RUNX2: variants seen among roughly 807,000 people sequenced by gnomAD.
The protein encoded by RUNX2 is RUNX family transcription factor 2.
RUNX2 carries 10 observed loss-of-function variants against 51.7 expected under a neutral mutation model. The ratio of observed to expected loss-of-function variants is 0.19; its 90% CI spans 0.12 to 0.33. The LOEUF (loss-of-function observed/expected upper bound fraction) is 0.33, where lower values mean the gene tolerates loss of function less well. Among genes scored for constraint, RUNX2 ranks in the 10% least tolerant of loss-of-function variants. RUNX2 has a pLI of 1.00. For synonymous variants in RUNX2, 276 were observed against 273.6 expected (o/e 1.01, Z -0.09); for missense variants, 562 against 691.3 (o/e 0.81, Z 2.10).
intron 7 of RUNX2, among the ~76,000 whole-genome samples, chr6:45,540,011 AGAG>A (rs1802167245): frequency 6.6e-6 from 1 of 152,216 alleles, no homozygotes; most frequent in East Asian, 1.9e-4. Context: ...GCTTTGAGCC[AGAG>A]CTCGCTTACT....
intron 6 of RUNX2, among the ~76,000 whole-genome samples, chr6:45,507,166 T>C (rs1800994496): frequency 6.6e-6 from 1 of 152,126 alleles, no homozygotes. Context: ...CTTCCCTCCA[T>C]GTTTCTGTAG....
intron 5 of RUNX2, among the ~76,000 whole-genome samples, chr6:45,450,501 A>G (rs1799137148): frequency 6.6e-6 from 1 of 152,220 alleles, no homozygotes; most frequent in Non-Finnish European, 1.5e-5. Context: ...AAAAAAGGCA[A>G]GAAACAAGTA....
intron 6 of RUNX2, among the ~76,000 whole-genome samples, chr6:45,498,441 C>A (rs961303979): frequency 1.3e-5 from 2 of 152,164 alleles, no homozygotes; most frequent in Admixed American, 1.3e-4. Flanking sequence ...ATGTGTCCTG[C>A]AGGACTAATT....
chr6:45,409,357 A>G (rs1213618924), intron 2 of RUNX2, among the ~76,000 whole-genome samples: 2 of 152,172 alleles, frequency 1.3e-5, no homozygotes, highest in African/African-American at 4.8e-5. Context: ...CCTTCCATTC[A>G]GGACAAGTGC....
At chr6:45,421,347 T>C (rs944207940) in intron 2 of RUNX2, 10 of 152,144 alleles carry the variant, frequency 6.6e-5, no homozygotes, top group African/African-American at 1.9e-4. Flanking sequence ...AAAAGAAATG[T>C]CCAGCTATGC....
At chr6:45,339,529 T>C (rs747574896) in intron 2 of RUNX2, among the ~76,000 whole-genome samples, 6 of 152,130 alleles carry the variant, frequency 3.9e-5, no homozygotes, top group Non-Finnish European at 7.3e-5. Flanking sequence ...ATAGAGGTGA[T>C]AGTCAATGGT....
rs888043077 is a variant in RUNX2 at position 45,377,655 on chromosome 6, G to A, written c.59-44938G>A. On this transcript the variant is annotated intron_variant, in intron 2 of 8. Coordinates refer to ENST00000647337, the MANE Select transcript of RUNX2 (RefSeq NM_001024630.4). ...CAGCCGCCCTCGAGCCGGGGCCAGG[G>A]CGTGGCCGGCGCGGGGGCCCAGCGA... The A allele has an allele frequency of 9.1e-4, 138 of 152,342 alleles. 1 individual carries two copies. The highest frequency in any genetic ancestry group is 8.6e-3 in the Admixed American group (132 of 15,298). The allele number at this position is 152,342 out of a possible 1,614,324, so 9.4% of individuals were successfully genotyped here.
intron 5 of RUNX2, among the ~76,000 whole-genome samples, chr6:45,463,157 G>A (rs1361852442): frequency 3.9e-5 from 6 of 152,134 alleles, no homozygotes; most frequent in Non-Finnish European, 7.4e-5. Context: ...TTAGTTCCTG[G>A]GTCACTTTTC....
chr6:45,387,119 G>A (rs1284433492), intron 2 of RUNX2, among the ~76,000 whole-genome samples: 1 of 152,154 alleles, frequency 6.6e-6, no homozygotes, highest in Non-Finnish European at 1.5e-5. Flanking sequence ...CGTAAGACAT[G>A]AGGATAGAAG....
chr6:45,365,435 G>GATTCACTTATAAGT (rs1374743936), intron 2 of RUNX2: 5 of 600,540 alleles, frequency 8.3e-6, no homozygotes, highest in Admixed American at 3.0e-5. Flanking sequence ...GCACAAAACT[G>GATTCACTTATAAGT]ATTCACTTAT....
At chr6:45,351,523 T>G (rs1323151313) in intron 2 of RUNX2, among the ~76,000 whole-genome samples, 1 of 152,176 alleles carries the variant, frequency 6.6e-6, no homozygotes, top group Non-Finnish European at 1.5e-5. Context: ...TGAGTGGAGA[T>G]GTCAAAGAAG....
chr6:45,393,766 G>A (rs953819068), intron 2 of RUNX2, among the ~76,000 whole-genome samples: 1 of 151,926 alleles, frequency 6.6e-6, no homozygotes, highest in Non-Finnish European at 1.5e-5. Flanking sequence ...GGTTTAATTG[G>A]CTCATAGTTC....
chr6:45,520,911 G>C (rs952820954), intron 7 of RUNX2, among the ~76,000 whole-genome samples: 1 of 152,054 alleles, frequency 6.6e-6, no homozygotes, highest in Non-Finnish European at 1.5e-5. Context: ...AGTAGAGACG[G>C]ATTTCTCTAT....
rs398048486 is a variant in RUNX2, at chr6:45,399,349, C to CTTTTTTTTTTTT, written c.59-23227_59-23216dup. Among the ~76,000 whole-genome samples the CTTTTTTTTTTTT allele has an allele frequency of 5.1e-4, 29 of 57,376 alleles. 4 individuals carry two copies. The highest frequency in any genetic ancestry group is 8.3e-4 in the Non-Finnish European group (24 of 29,036). 37.6% of individuals were successfully genotyped at this position (57,376 alleles called of 152,430 possible). On this transcript the variant is annotated intron_variant, in intron 2 of 8. Transcript: ENST00000647337. ...CTTTCTCATTTCTTTCTTTTCTTTC[C>CTTTTTTTTTTTT]TTTTTTTTTTTTTTTTTTTTTTTTT... is the stretch of plus-strand genomic sequence containing the variant.
chr6:45,397,940 C>A (rs114189267), intron 2 of RUNX2, among the ~76,000 whole-genome samples: 2 of 152,106 alleles, frequency 1.3e-5, no homozygotes, highest in Non-Finnish European at 2.9e-5. Flanking sequence ...GTGTTCCCTG[C>A]GTGTGACATT....
At chr6:45,340,652 AG>A (rs1488213690) in intron 2 of RUNX2, among the ~76,000 whole-genome samples, 8 of 152,074 alleles carry the variant, frequency 5.3e-5, no homozygotes, top group Non-Finnish European at 8.8e-5. Flanking sequence ...AGAAAAAAAA[AG>A]TTTCAAGGAA....
At chr6:45,414,928 C>G (rs1314903068) in intron 2 of RUNX2, among the ~76,000 whole-genome samples, 5 of 151,960 alleles carry the variant, frequency 3.3e-5, no homozygotes, top group Admixed American at 3.3e-4. Context: ...CCAATTTTAG[C>G]CTGTGCTTTA....
chr6:45,442,257 A>G (rs897429334), intron 5 of RUNX2, among the ~76,000 whole-genome samples: 1 of 152,244 alleles, frequency 6.6e-6, no homozygotes, highest in Admixed American at 6.5e-5. Flanking sequence ...AAGACATGAC[A>G]TCATACTTAA....
chr6:45,375,787 T>C (rs1248558799), intron 2 of RUNX2, among the ~76,000 whole-genome samples: 1 of 152,118 alleles, frequency 6.6e-6, no homozygotes, highest in Non-Finnish European at 1.5e-5. Flanking sequence ...TTTGTTCTTT[T>C]AGTTTTATTT....
Sources: allele counts gnomAD v4.1 joint callset (sites outside exome capture counted in the v4.1 genomes callset), GRCh38; gene constraint gnomAD v4.1.1; transcripts MANE v1.5; gene names NCBI Gene and HGNC (gene_info 2026-07-23, HGNC 2026-07-21).